Variants in RAB27A observed in about 807,000 individuals in gnomAD.
RAB27A encodes the protein RAB27A, member RAS oncogene family.
A neutral mutation model predicts 20.8 loss-of-function variants in RAB27A; 17 were observed. The observed-to-expected ratio is 0.82, with a 90% CI of 0.56 to 1.23. The LOEUF (loss-of-function observed/expected upper bound fraction) is 1.23. RAB27A is among the 50% of genes most tolerant of loss of function. The pLI is 0.00. For missense variants in RAB27A, 277 were observed against 266.7 expected (o/e 1.04, Z -0.27); for synonymous variants, 85 against 92.8 (o/e 0.92, Z 0.48).
rs536698999 is a variant in RAB27A, at chr15:55,248,187, G to A, written c.-22-13231C>T. 7.9e-5 allele frequency among the ~76,000 whole-genome samples: 12 copies of A among 152,146 alleles called. No individual in the cohort carries two copies. In the South Asian group the frequency reaches 2.5e-3, roughly 32 times the overall value. Reference sequence around the variant, plus strand: ...CATGGTGGCATGCTAAAGCACACAGGACTTCCATCTCTTCACAGCTGATTT... The same window carrying A: ...CATGGTGGCATGCTAAAGCACACAGAACTTCCATCTCTTCACAGCTGATTT... On this transcript the variant is annotated intron_variant, in intron 2 of 6. Transcript: ENST00000336787.
At chr15:55,206,371 T>A in intron 6 of RAB27A, 1 of 505,564 alleles carries the variant, frequency 2.0e-6, no homozygotes, top group Non-Finnish European at 2.6e-6. Flanking sequence ...TTTTTTGTTT[T>A]GAGACAGAGT....
chr15:55,245,609 G>A (rs527411293), intron 2 of RAB27A, among the ~76,000 whole-genome samples: 1 of 152,308 alleles, frequency 6.6e-6, no homozygotes, highest in African/African-American at 2.4e-5. Flanking sequence ...AGGCAGCAGA[G>A]AAGTTCATGG....
chr15:55,236,379 G>C (rs1003049573), intron 2 of RAB27A, among the ~76,000 whole-genome samples: 1 of 152,024 alleles, frequency 6.6e-6, no homozygotes, highest in Non-Finnish European at 1.5e-5. Flanking sequence ...CTTCTCTAGA[G>C]TATCACTGCT....
chr15:55,211,528 T>G (rs534807093), intron 6 of RAB27A, among the ~76,000 whole-genome samples: 1 of 152,318 alleles, frequency 6.6e-6, no homozygotes, highest in East Asian at 1.9e-4. Flanking sequence ...GTAAATGAGA[T>G]TGCTTTCTTG....
intron 6 of RAB27A, among the ~76,000 whole-genome samples, chr15:55,209,873 T>TACACAC (rs1894866986): frequency 2.0e-4 from 2 of 10,090 alleles, no homozygotes; most frequent in Admixed American, 3.1e-3. Flanking sequence ...CATATATACA[T>TACACAC]ATATGTGTGT....
intron 1 of RAB27A, among the ~76,000 whole-genome samples, chr15:55,284,570 G>C (rs540461504): frequency 6.6e-6 from 1 of 152,224 alleles, no homozygotes; most frequent in Admixed American, 6.5e-5. Flanking sequence ...TCAGAGAAAA[G>C]TCAAAGTGTC....
rs149176137 is a variant in RAB27A at position 55,228,800 on chromosome 15, A to G, written c.240-88T>C. The G allele has an allele frequency of 3.4e-5, 30 of 880,058 alleles. No homozygotes were observed. The East Asian group carries it at 7.4e-4, about 22-fold the overall frequency. The allele number at this position is 880,058 out of a possible 1,614,324, so 54.5% of individuals were successfully genotyped here. A position where few individuals can be genotyped will look rare whatever the true frequency, so the allele number is the denominator to read the frequency against. On this transcript the variant is annotated intron_variant, in intron 4 of 6. Transcript: ENST00000336787. ...CAAGCAATGCCTTCAGCCTCTTACA[A>G]AAGTTTACCAATAACAAGCTACATG...
At chr15:55,213,961 C>T (rs1895146161) in intron 6 of RAB27A, among the ~76,000 whole-genome samples, 1 of 152,198 alleles carries the variant, frequency 6.6e-6, no homozygotes, top group African/African-American at 2.4e-5. Flanking sequence ...TCCATGAAAC[C>T]AGTTCCCAGT....
chr15:55,302,516 C>A (rs910824697), intron 2 of RAB27A, among the ~76,000 whole-genome samples: 9 of 151,838 alleles, frequency 5.9e-5, no homozygotes, highest in African/African-American at 2.2e-4. Context: ...AAGTGAGGAG[C>A]GTCTCTGCCT....
intron 5 of RAB27A, among the ~76,000 whole-genome samples, chr15:55,224,381 C>T (rs569414469): frequency 1.3e-5 from 2 of 152,326 alleles, no homozygotes; most frequent in South Asian, 4.1e-4. Context: ...GGGTTTACTG[C>T]TAATCTTAAA....
At position 55,259,459 on chromosome 15, in the gene RAB27A, T is replaced by C. The variant is rs529506002; in HGVS notation, c.-23+10706A>G. ...GTCGCCACGCCCAGCTAATTTTCTT[T>C]TCTTTTTTGTAGAGATGGGGTCTCA... On this transcript the variant is annotated intron_variant, in intron 2 of 6. Coordinates refer to ENST00000336787, the MANE Select transcript of RAB27A (RefSeq NM_183235.3). 2.2e-3 allele frequency among the ~76,000 whole-genome samples: 333 copies of C among 151,506 alleles called. 5 individuals are homozygous for C. The highest frequency in any genetic ancestry group is 7.8e-3 in the African/African-American group (321 of 41,302).
In RAB27A at chr15:55,205,595, C is replaced by T; in HGVS notation, c.578G>A (p.Trp193Ter). 2 of 1,614,136 alleles carry T rather than the reference C, an allele frequency of 1.2e-6. No homozygotes were observed. Among genetic ancestry groups the T allele is most frequent in the Non-Finnish European group, 1.7e-6 (2 of 1,180,016 alleles). ...KRMERCVDKS[W>*]IPEGVVRSNG... The stretch of plus-strand genomic sequence containing the variant: ...TGATCGCACCACTCCTTCAGGAATC[C>T]AGGACTTGTCCACACACCGTTCCAT... The change falls in exon 7 of 7, where the codon TGG becomes TAG. Residue 193 changes from tryptophan to a stop codon, truncating the protein, a stop_gained. Transcript: ENST00000336787. LOFTEE classifies it low-confidence loss of function (END_TRUNC).
intron 2 of RAB27A, among the ~76,000 whole-genome samples, chr15:55,269,637 A>G (rs1326131516): frequency 6.6e-6 from 1 of 152,120 alleles, no homozygotes; most frequent in African/African-American, 2.4e-5. Context: ...GCTACTCAGG[A>G]TGCTGAGGCA....
chr15:55,306,909 C>T (rs2054999314), intron 2 of RAB27A, among the ~76,000 whole-genome samples: 1 of 152,120 alleles, frequency 6.6e-6, no homozygotes, highest in Non-Finnish European at 1.5e-5. Flanking sequence ...AGTTACTTTC[C>T]TCACGGTTGT....
At chr15:55,206,557 G>C (rs537553396) in intron 6 of RAB27A, among the ~76,000 whole-genome samples, 1 of 152,214 alleles carries the variant, frequency 6.6e-6, no homozygotes, top group East Asian at 1.9e-4. Flanking sequence ...TGCCCAGGCT[G>C]GTTTCGAACT....
intron 2 of RAB27A, among the ~76,000 whole-genome samples, chr15:55,302,176 C>CA (rs373778914): frequency 0.42 from 49,894 of 119,558 alleles, 13,168 homozygotes; most frequent in African/African-American, 0.76. Flanking sequence ...GACTCTGTCT[C>CA]AAAAAAAAAA....
intron 2 of RAB27A, among the ~76,000 whole-genome samples, chr15:55,313,352 A>T (rs2055029352): frequency 6.6e-6 from 1 of 152,192 alleles, no homozygotes; most frequent in Non-Finnish European, 1.5e-5. Flanking sequence ...TATAGCGAGC[A>T]ATGATGATAC....
intron 2 of RAB27A, among the ~76,000 whole-genome samples, chr15:55,304,080 A>G (rs1203283153): frequency 3.3e-5 from 5 of 152,136 alleles, no homozygotes; most frequent in Admixed American, 6.5e-5. Context: ...GTGTAGAAAG[A>G]GGTAGACATG....
intron 3 of RAB27A, among the ~76,000 whole-genome samples, chr15:55,231,241 C>T (rs1896021118): frequency 6.6e-6 from 1 of 152,160 alleles, no homozygotes; most frequent in Non-Finnish European, 1.5e-5. Context: ...AGGGTTAGTT[C>T]CATGACTTTG....
Sources: gnomAD v4.1 joint callset for allele counts (sites outside exome capture counted in the v4.1 genomes callset) on GRCh38, gnomAD v4.1.1 for gene constraint, MANE v1.5 for transcripts, NCBI Gene and HGNC (gene_info 2026-07-23, HGNC 2026-07-21) for gene names.